EYS: variants seen among roughly 807,000 people sequenced by gnomAD.
EYS encodes the protein EGF-like photoreceptor maintenance factor, also known as protein eyes shut homolog.
A neutral mutation model predicts 282.1 loss-of-function variants in EYS; 250 were observed. That is an observed-to-expected ratio of 0.89 (90% confidence interval 0.80 to 0.98). EYS has a LOEUF of 0.98. Among genes scored for constraint, EYS ranks in the 50% least tolerant of loss-of-function variants. EYS has a pLI of 0.00. For missense variants in EYS, 4,016 were observed against 3,709.0 expected (o/e 1.08, Z -2.15); for synonymous variants, 1,355 against 1,282.9 (o/e 1.06, Z -1.20).
intron 22 of EYS, among the ~76,000 whole-genome samples, chr6:64,785,761 T>C (rs1177474902): frequency 1.3e-5 from 2 of 152,186 alleles, no homozygotes; most frequent in Admixed American, 6.5e-5. Flanking sequence ...GCACTATTTT[T>C]ATGATGTATT....
intron 31 of EYS, among the ~76,000 whole-genome samples, chr6:64,156,754 A>G (rs1300483287): frequency 6.6e-6 from 1 of 152,084 alleles, no homozygotes; most frequent in Non-Finnish European, 1.5e-5. Flanking sequence ...TACCCTAGAG[A>G]TTTGTGGAAC....
intron 2 of EYS, among the ~76,000 whole-genome samples, chr6:65,561,389 G>C (rs1769051983): frequency 6.6e-6 from 1 of 152,118 alleles, no homozygotes; most frequent in Admixed American, 6.6e-5. Context: ...TCTCTCTCAA[G>C]GGTCCCTCTA....
chr6:64,062,939 C>G lies in EYS; in HGVS notation c.6725+3399G>C, dbSNP rs146038322. Among the ~76,000 whole-genome samples the G allele has an allele frequency of 4.8e-4, 73 of 152,204 alleles. 2 individuals are homozygous for G. In the East Asian group the frequency reaches 8.9e-3, roughly 19 times the overall value. ...TAATCGGGCTTCTTCCTCTATCCTG[C>G]TACACTGAAGTCTTCAGGTCATGGA... On this transcript the variant is annotated intron_variant, in intron 33 of 42. Coordinates refer to ENST00000503581, the MANE Select transcript of EYS (RefSeq NM_001142800.2).
At chr6:64,698,743 C>A (rs1770673652) in intron 22 of EYS, among the ~76,000 whole-genome samples, 1 of 152,166 alleles carries the variant, frequency 6.6e-6, no homozygotes. Context: ...TATCAATCAT[C>A]ATCAGAGAAA....
chr6:65,380,080 A>T (rs1765552805), intron 8 of EYS, among the ~76,000 whole-genome samples: 1 of 152,074 alleles, frequency 6.6e-6, no homozygotes, highest in South Asian at 2.1e-4. Flanking sequence ...ATTCCCATCA[A>T]TCTTCCATCG....
At chr6:65,584,260 C>G (rs1764965803) in intron 2 of EYS, among the ~76,000 whole-genome samples, 1 of 152,002 alleles carries the variant, frequency 6.6e-6, no homozygotes, top group Admixed American at 6.6e-5. Context: ...GGACATTTGG[C>G]AACAGTTGAA....
intron 14 of EYS, among the ~76,000 whole-genome samples, chr6:64,984,752 CT>C (rs1429311584): frequency 6.6e-6 from 1 of 151,380 alleles, no homozygotes; most frequent in Non-Finnish European, 1.5e-5. Flanking sequence ...AGGGACATAT[CT>C]TCTTAGTGAA....
Position 64,491,212 on chromosome 6 carries a change from T to A in EYS, c.5645-51860A>T, listed in dbSNP as rs115276712. ...TATAAAGCAATTTAAATGTTAAACC[T>A]AAATTTAGAAAAAATATTATGTTTG... On this transcript the variant is annotated intron_variant, in intron 26 of 42. Coordinates refer to ENST00000503581, the MANE Select transcript of EYS (RefSeq NM_001142800.2). 2.8e-3 allele frequency among the ~76,000 whole-genome samples: 424 copies of A among 151,008 alleles called. 1 individual carries two copies. Among genetic ancestry groups the A allele is most frequent in the Non-Finnish European group, 3.6e-3 (244 of 67,154 alleles).
chr6:64,720,687 G>A (rs1771548629), intron 22 of EYS, among the ~76,000 whole-genome samples: 1 of 152,114 alleles, frequency 6.6e-6, no homozygotes, highest in East Asian at 1.9e-4. Flanking sequence ...GACTATACTA[G>A]TGAGGGGGAA....
chr6:63,770,294 T>C (rs867686016), intron 40 of EYS, among the ~76,000 whole-genome samples: 6 of 152,030 alleles, frequency 3.9e-5, no homozygotes, highest in African/African-American at 1.2e-4. Flanking sequence ...CTATCAAATA[T>C]GGATTTTGAT....
At chr6:64,575,204 A>G (rs2149820326) in intron 26 of EYS, among the ~76,000 whole-genome samples, 1 of 152,134 alleles carries the variant, frequency 6.6e-6, no homozygotes, top group East Asian at 1.9e-4. Context: ...TTTTATCCAC[A>G]TGAAAATATG....
chr6:63,880,497 A>ATCTATCTATCTG (rs1461210798), intron 35 of EYS, among the ~76,000 whole-genome samples: 13 of 151,794 alleles, frequency 8.6e-5, no homozygotes, highest in African/African-American at 2.9e-4. Context: ...GTATCTATCT[A>ATCTATCTATCTG]TCTATCTATC....
intron 28 of EYS, among the ~76,000 whole-genome samples, chr6:64,423,407 T>G (rs535572498): frequency 2.0e-5 from 3 of 152,346 alleles, no homozygotes; most frequent in Admixed American, 1.3e-4. Context: ...GTTTAGTATA[T>G]TCAAATTGAA....
chr6:64,241,881 C>T (rs1766845376), intron 30 of EYS, among the ~76,000 whole-genome samples: 1 of 152,054 alleles, frequency 6.6e-6, no homozygotes, highest in Non-Finnish European at 1.5e-5. Flanking sequence ...TCCAGAGATT[C>T]TAGTACATTT....
intron 31 of EYS, among the ~76,000 whole-genome samples, chr6:64,122,409 C>T (rs1463867267): frequency 6.6e-6 from 1 of 151,730 alleles, no homozygotes; most frequent in African/African-American, 2.4e-5. Flanking sequence ...GGAAATATAC[C>T]CATAAAGATT....
chr6:64,449,993 T>C (rs140767215), intron 26 of EYS, among the ~76,000 whole-genome samples: 5,855 of 152,106 alleles, frequency 0.038, 368 homozygotes, highest in African/African-American at 0.13. Flanking sequence ...CAGGATCAAA[T>C]TCACACATAA....
At chr6:64,052,748 T>C (rs1206910403) in intron 33 of EYS, among the ~76,000 whole-genome samples, 1 of 152,098 alleles carries the variant, frequency 6.6e-6, no homozygotes, top group African/African-American at 2.4e-5. Context: ...CATGTTGTTC[T>C]CTGATAGTGA....
chr6:64,586,584 G>GA (rs1346549110), intron 26 of EYS, among the ~76,000 whole-genome samples: 2 of 151,776 alleles, frequency 1.3e-5, no homozygotes, highest in Admixed American at 6.6e-5. Context: ...TTTTCAGAAA[G>GA]AAAAAACAAG....
intron 31 of EYS, among the ~76,000 whole-genome samples, chr6:64,143,125 T>C (rs1360089536): frequency 6.6e-6 from 1 of 151,976 alleles, no homozygotes; most frequent in East Asian, 1.9e-4. Flanking sequence ...AAAGCAAAAC[T>C]ATGGAGGCTG....
Sources: gnomAD v4.1 joint callset for allele counts (sites outside exome capture counted in the v4.1 genomes callset) on GRCh38, gnomAD v4.1.1 for gene constraint, MANE v1.5 for transcripts, NCBI Gene and HGNC (gene_info 2026-07-23, HGNC 2026-07-21) for gene names.